UBE2E2: variants seen among roughly 807,000 people sequenced by gnomAD.
The protein encoded by UBE2E2 is ubiquitin-conjugating enzyme E2 E2.
A neutral mutation model predicts 24.7 loss-of-function variants in UBE2E2; 6 were observed. That is an observed-to-expected ratio of 0.24 (90% CI 0.13 to 0.48). The LOEUF (loss-of-function observed/expected upper bound fraction) is 0.48, where lower values mean the gene tolerates loss of function less well. Ranked by LOEUF, UBE2E2 falls within the 20% of genes least tolerant of loss-of-function variation. The pLI is 0.99. For missense variants in UBE2E2, 169 were observed against 245.0 expected (o/e 0.69, Z 2.07); for synonymous variants, 104 against 83.6 (o/e 1.24, Z -1.33).
At chr3:23,423,147 C>G (rs1211980340) in intron 3 of UBE2E2, among the ~76,000 whole-genome samples, 2 of 152,190 alleles carry the variant, frequency 1.3e-5, no homozygotes, top group Middle Eastern at 3.2e-3. Flanking sequence ...TAAGCAGTCA[C>G]AAAACTTGAA....
chr3:23,271,616 G>A (rs1026154139), intron 3 of UBE2E2, among the ~76,000 whole-genome samples: 8 of 152,124 alleles, frequency 5.3e-5, no homozygotes, highest in Admixed American at 5.2e-4. Context: ...GTTGATTGGT[G>A]CGTTTACAAT....
At chr3:23,305,302 T>C (rs1699211434) in intron 3 of UBE2E2, among the ~76,000 whole-genome samples, 1 of 152,240 alleles carries the variant, frequency 6.6e-6, no homozygotes, top group South Asian at 2.1e-4. Context: ...AATGCTTTCC[T>C]TCGAGACAGC....
chr3:23,440,689 A>G (rs961879584), intron 3 of UBE2E2, among the ~76,000 whole-genome samples: 1 of 152,192 alleles, frequency 6.6e-6, no homozygotes, highest in Non-Finnish European at 1.5e-5. Flanking sequence ...CAGTCTAGTT[A>G]AGTTGATTTG....
rs118010263 is a variant in UBE2E2 at position 23,565,073 on chromosome 3, A to G, written c.509-24661A>G. On this transcript the variant is annotated intron_variant, in intron 5 of 5. Coordinates refer to ENST00000396703, the MANE Select transcript of UBE2E2 (RefSeq NM_152653.4). ...CCTCCTTGTCAAAAAAGTAAACAAT[A>G]TACACACACACACAGACACGCTTTT... 2.1e-3 allele frequency among the ~76,000 whole-genome samples: 315 copies of G among 152,240 alleles called. 5 individuals are homozygous for G. The highest frequency in any genetic ancestry group is 0.015 in the East Asian group (79 of 5,186).
intron 3 of UBE2E2, among the ~76,000 whole-genome samples, chr3:23,257,610 AT>A: frequency 7.6e-6 from 1 of 131,106 alleles, no homozygotes. Context: ...GGCACAAGTG[AT>A]CCTCCCACCT....
At chr3:23,397,210 C>T (rs1054639407) in intron 3 of UBE2E2, among the ~76,000 whole-genome samples, 3 of 152,158 alleles carry the variant, frequency 2.0e-5, no homozygotes, top group Non-Finnish European at 4.4e-5. Flanking sequence ...CATTTTCTCA[C>T]TTTTTGTGGG....
intron 3 of UBE2E2, among the ~76,000 whole-genome samples, chr3:23,475,629 G>T (rs1415535428): frequency 6.6e-6 from 1 of 152,032 alleles, no homozygotes; most frequent in Non-Finnish European, 1.5e-5. Flanking sequence ...TAAGGATAAG[G>T]CTCGCAAATC....
At chr3:23,465,336 TGGAA>T (rs1398816305) in intron 3 of UBE2E2, among the ~76,000 whole-genome samples, 11 of 152,184 alleles carry the variant, frequency 7.2e-5, no homozygotes, top group Admixed American at 2.0e-4. Context: ...AGTAGGCAAT[TGGAA>T]TCACACTAGG....
In UBE2E2 at chr3:23,356,763, T is replaced by C. The variant is rs527427026; in HGVS notation, c.227+139451T>C. 2.0e-5 allele frequency among the ~76,000 whole-genome samples: 3 copies of C among 152,366 alleles called. 1 individual carries two copies. The South Asian group carries it at 6.2e-4, about 32-fold the overall frequency. ...ATCTCTGTTGTCAATCAGGTTATGC[T>C]AAATTATGCTGCATAACAAACAACA... On this transcript the variant is annotated intron_variant, in intron 3 of 5. Coordinates refer to ENST00000396703, the MANE Select transcript of UBE2E2 (RefSeq NM_152653.4).
chr3:23,532,779 T>G, intron 5 of UBE2E2, 78 bp downstream of exon 5: 4 of 1,246,280 alleles, frequency 3.2e-6, no homozygotes, highest in Non-Finnish European at 2.2e-6. Context: ...TGTTTACTAC[T>G]GCTACTACCA....
At chr3:23,261,995 G>A (rs1697913869) in intron 3 of UBE2E2, among the ~76,000 whole-genome samples, 1 of 152,288 alleles carries the variant, frequency 6.6e-6, no homozygotes, top group Admixed American at 6.5e-5. Context: ...AGACCCAGAA[G>A]TAGCATTGCT....
chr3:23,458,664 A>T (rs560700592), intron 3 of UBE2E2, among the ~76,000 whole-genome samples: 2 of 151,952 alleles, frequency 1.3e-5, no homozygotes, highest in Non-Finnish European at 2.9e-5. Flanking sequence ...TGATCCGCCC[A>T]CCTCGGCCTC....
chr3:23,479,788 T>TA (rs1699217576), intron 3 of UBE2E2, among the ~76,000 whole-genome samples: 1 of 152,178 alleles, frequency 6.6e-6, no homozygotes, highest in Non-Finnish European at 1.5e-5. Flanking sequence ...CTGTAGTGGC[T>TA]AGCTCCTTTC....
At chr3:23,350,800 G>A (rs557503393) in intron 3 of UBE2E2, among the ~76,000 whole-genome samples, 33 of 152,278 alleles carry the variant, frequency 2.2e-4, no homozygotes, top group African/African-American at 6.5e-4. Flanking sequence ...GAACCAAGTG[G>A]GAAAACACTC....
intron 3 of UBE2E2, among the ~76,000 whole-genome samples, chr3:23,402,677 C>T (rs1205040971): frequency 6.6e-6 from 1 of 152,116 alleles, no homozygotes; most frequent in Non-Finnish European, 1.5e-5. Flanking sequence ...GTTGTGATGT[C>T]ATCAGGGTTA....
chr3:23,270,436 A>G (rs9842159), intron 3 of UBE2E2, among the ~76,000 whole-genome samples: 2 of 152,066 alleles, frequency 1.3e-5, no homozygotes, highest in Non-Finnish European at 2.9e-5. Context: ...TCTGTACCTC[A>G]GGTAGGAACC....
chr3:23,213,186 T>C (rs1696377205), intron 2 of UBE2E2, among the ~76,000 whole-genome samples: 1 of 152,180 alleles, frequency 6.6e-6, no homozygotes, highest in Admixed American at 6.5e-5. Flanking sequence ...ATTCATGTTC[T>C]ACTTGGCTCT....
At chr3:23,432,979 A>G (rs1281861337) in intron 3 of UBE2E2, among the ~76,000 whole-genome samples, 1 of 151,970 alleles carries the variant, frequency 6.6e-6, no homozygotes, top group Non-Finnish European at 1.5e-5. Flanking sequence ...TATATTAAAC[A>G]CTAAACTTTC....
chr3:23,523,136 G>T (rs1342067476), intron 4 of UBE2E2, among the ~76,000 whole-genome samples: 1 of 152,046 alleles, frequency 6.6e-6, no homozygotes, highest in Non-Finnish European at 1.5e-5. Context: ...TTCATTATAG[G>T]TATGTTCCAG....
Sources: allele counts gnomAD v4.1 joint callset (sites outside exome capture counted in the v4.1 genomes callset), GRCh38; gene constraint gnomAD v4.1.1; transcripts MANE v1.5; gene names NCBI Gene and HGNC (gene_info 2026-07-23, HGNC 2026-07-21).